Variants in CACNA1E observed in about 807,000 individuals in gnomAD.
The protein encoded by CACNA1E is calcium voltage-gated channel subunit alpha1 E, also known as voltage-dependent R-type calcium channel subunit alpha-1E.
Under a neutral mutation model 259.2 loss-of-function variants are expected in CACNA1E, and 40 were observed. The observed-to-expected ratio is 0.15, with a 90% confidence interval of 0.12 to 0.20. CACNA1E has a LOEUF of 0.20. Among genes scored for constraint, CACNA1E ranks in the 10% least tolerant of loss-of-function variants. CACNA1E has a pLI of 1.00. For missense variants in CACNA1E, 1,874 were observed against 3,040.1 expected, an observed-to-expected ratio of 0.62 and a Z score of 9.02; for synonymous variants, 1,104 against 1,138.5, an observed-to-expected ratio of 0.97 and a Z score of 0.61.
intron 23 of CACNA1E, 25 bp downstream of exon 23, chr1:181,737,679 A>G: frequency 6.2e-7 from 1 of 1,609,092 alleles, no homozygotes; most frequent in Admixed American, 1.7e-5. Flanking sequence ...GCCATGTGCC[A>G]GCCTCTGTAG....
chr1:181,571,839 A>G (rs754059144), intron 3 of CACNA1E, among the ~76,000 whole-genome samples: 3 of 152,184 alleles, frequency 2.0e-5, no homozygotes, highest in Non-Finnish European at 4.4e-5. Context: ...CTCCTTTCAG[A>G]AGAGAAATTG....
At chr1:181,728,594 C>T (rs1655139798) in intron 18 of CACNA1E, among the ~76,000 whole-genome samples, 1 of 150,048 alleles carries the variant, frequency 6.7e-6, no homozygotes, top group Non-Finnish European at 1.5e-5. Context: ...TGCTCGTGTG[C>T]GTACTCTGCC....
Position 181,790,290 on chromosome 1 carries a change from C to CTT in CACNA1E, c.5787-139_5787-138dup, listed in dbSNP as rs33973972. ...ACATCAGTTTCTGTCTCTTCTAGTG[C>CTT]TTTTTTTTTTTTTTTTTAATTTCAG... is the stretch of plus-strand genomic sequence containing the variant. On this transcript the variant is annotated intron_variant, in intron 43 of 47. Transcript: ENST00000367573. 4.8e-3 allele frequency among the ~76,000 whole-genome samples: 553 copies of CTT among 115,328 alleles called. 7 individuals carry two copies. The highest frequency in any genetic ancestry group is 0.01 in the Admixed American group (113 of 11,162). The allele number at this position is 115,328 out of a possible 152,430, so 75.7% of individuals were successfully genotyped here.
chr1:181,751,880 C>T lies in CACNA1E; in HGVS notation c.3732-263C>T, dbSNP rs143973657. On this transcript the variant is annotated intron_variant, in intron 26 of 47. Coordinates refer to ENST00000367573, the MANE Select transcript of CACNA1E (RefSeq NM_001205293.3). ...GGATGCCTCTGTGTGCCTGTATGTT[C>T]CTCTGTGTGTGTATATATGAGTGTG... The T allele has an allele frequency of 0.01, 6,387 of 608,698 alleles. 72 individuals carry two copies. The highest frequency in any genetic ancestry group is 0.016 in the South Asian group (1,010 of 64,760). The allele number at this position is 608,698 out of a possible 1,614,324, so 37.7% of individuals were successfully genotyped here.
At chr1:181,622,116 CTCCATGGCACTGG>C (rs1299477985) in intron 6 of CACNA1E, among the ~76,000 whole-genome samples, 1 of 152,218 alleles carries the variant, frequency 6.6e-6, no homozygotes, top group Non-Finnish European at 1.5e-5. Context: ...TCCACCAACT[CTCCATGGCACTGG>C]TCCATCAGAG....
At chr1:181,601,778 C>T (rs905592429) in intron 6 of CACNA1E, among the ~76,000 whole-genome samples, 5 of 152,162 alleles carry the variant, frequency 3.3e-5, no homozygotes, top group African/African-American at 9.7e-5. Context: ...ACCATGTCCC[C>T]GCTCTGCACA....
At chr1:181,400,066 T>G (rs1656980473) in intron 1 of CACNA1E, among the ~76,000 whole-genome samples, 1 of 152,206 alleles carries the variant, frequency 6.6e-6, no homozygotes, top group South Asian at 2.1e-4. Flanking sequence ...GGGAATCTGA[T>G]CTACTGTAGT....
chr1:181,592,526 AGGGGAAAGGTAATTTATTTCAGT>A (rs1303951248), intron 6 of CACNA1E, among the ~76,000 whole-genome samples: 25 of 150,822 alleles, frequency 1.7e-4, no homozygotes, highest in Non-Finnish European at 3.5e-4. Context: ...AATGAAAAGT[AGGGGAAAGGTAATTTATTTCAGT>A]GTTTACAGAG....
At chr1:181,459,304 G>A (rs146565194) in intron 2 of CACNA1E, among the ~76,000 whole-genome samples, 5 of 152,388 alleles carry the variant, frequency 3.3e-5, no homozygotes, top group African/African-American at 1.2e-4. Flanking sequence ...TAGGTGAGCC[G>A]GTGAGCACTT....
intron 2 of CACNA1E, among the ~76,000 whole-genome samples, chr1:181,475,773 A>G (rs1172741359): frequency 2.0e-5 from 3 of 152,162 alleles, no homozygotes; most frequent in African/African-American, 7.2e-5. Context: ...AAGGATTTAC[A>G]ATGACGTCAC....
Position 181,785,835 on chromosome 1 carries a change from A to C in CACNA1E, c.5786+16A>C. On this transcript the variant is annotated intron_variant, in intron 43 of 47. Coordinates refer to ENST00000367573, the MANE Select transcript of CACNA1E (RefSeq NM_001205293.3). ...TTTCAGGCCTGTGAGTAGCACCAAA[A>C]CATCCCTGGCATGGCTGTTTGCAAT... 1 of 1,525,060 alleles carries C rather than the reference A, an allele frequency of 6.6e-7. No individual in the cohort carries two copies. The allele number at this position is 1,525,060 out of a possible 1,614,324, so 94.5% of individuals were successfully genotyped here.
intron 1 of CACNA1E, among the ~76,000 whole-genome samples, chr1:181,389,318 C>G (rs1285000996): frequency 6.6e-6 from 1 of 152,164 alleles, no homozygotes; most frequent in East Asian, 1.9e-4. Flanking sequence ...ACAAAAGGGG[C>G]CCTTGTGTAC....
intron 1 of CACNA1E, among the ~76,000 whole-genome samples, chr1:181,357,218 G>A (rs902606684): frequency 2.0e-5 from 3 of 152,140 alleles, no homozygotes; most frequent in Non-Finnish European, 4.4e-5. Flanking sequence ...GTCTCTGGAA[G>A]CCTGGGTTGT....
chr1:181,508,781 G>A (rs535670449), intron 1 of CACNA1E, among the ~76,000 whole-genome samples: 9 of 152,326 alleles, frequency 5.9e-5, no homozygotes, highest in African/African-American at 1.4e-4. Flanking sequence ...CTTCACACCC[G>A]GAGTGTTTGA....
chr1:181,640,431 G>A (rs3845439), intron 6 of CACNA1E, among the ~76,000 whole-genome samples: 30,658 of 152,102 alleles, frequency 0.2, 3,360 homozygotes, highest in African/African-American at 0.28. Flanking sequence ...ACCTGTTTTT[G>A]TTAAGGAATA....
chr1:181,608,524 G>A (rs1049253582), intron 6 of CACNA1E, among the ~76,000 whole-genome samples: 12 of 152,178 alleles, frequency 7.9e-5, no homozygotes, highest in Admixed American at 7.2e-4. Context: ...TTGGGCAGAG[G>A]TATGTGAGTA....
At chr1:181,654,007 T>A (rs199978) in intron 7 of CACNA1E, among the ~76,000 whole-genome samples, 147,086 of 152,104 alleles carry the variant, frequency 0.97, 71,310 homozygotes, top group Non-Finnish European at 1. Flanking sequence ...GACCAACACA[T>A]AAGAACAAAA....
intron 2 of CACNA1E, among the ~76,000 whole-genome samples, chr1:181,449,803 G>T (rs1661029569): frequency 6.6e-6 from 1 of 152,096 alleles, no homozygotes; most frequent in African/African-American, 2.4e-5. Flanking sequence ...GATATTCAAA[G>T]ACAAAAAATG....
At chr1:181,668,038 A>G (rs1648416772) in intron 7 of CACNA1E, among the ~76,000 whole-genome samples, 1 of 152,154 alleles carries the variant, frequency 6.6e-6, no homozygotes, top group Admixed American at 6.5e-5. Flanking sequence ...AGTTTCACAT[A>G]CACTCATTTG....
Sources: gnomAD v4.1 joint callset for allele counts (sites outside exome capture counted in the v4.1 genomes callset) on GRCh38, gnomAD v4.1.1 for gene constraint, MANE v1.5 for transcripts, NCBI Gene and HGNC (gene_info 2026-07-23, HGNC 2026-07-21) for gene names.